Variants in DLGAP1 observed in about 807,000 individuals in gnomAD.
DLGAP1 encodes the protein disks large-associated protein 1.
Under a neutral mutation model 90.8 loss-of-function variants are expected in DLGAP1, and 11 were observed. That is an observed-to-expected ratio of 0.12 (90% confidence interval 0.08 to 0.20). DLGAP1 has a LOEUF of 0.20. Ranked by LOEUF, DLGAP1 falls within the 10% of genes least tolerant of loss-of-function variation. The pLI is 1.00. For missense variants in DLGAP1, 1,050 were observed against 1,333.8 expected, an observed-to-expected ratio of 0.79 and a Z score of 3.31; for synonymous variants, 558 against 540.7, an observed-to-expected ratio of 1.03 and a Z score of -0.44.
intron 2 of DLGAP1, among the ~76,000 whole-genome samples, chr18:4,048,828 A>G (rs1256914471): frequency 6.6e-6 from 1 of 152,260 alleles, no homozygotes; most frequent in East Asian, 1.9e-4. Flanking sequence ...ATTTCTCAGT[A>G]TAATACATTA....
chr18:3,802,567 A>G (rs1239517592), intron 5 of DLGAP1, among the ~76,000 whole-genome samples: 1 of 152,176 alleles, frequency 6.6e-6, no homozygotes, highest in Non-Finnish European at 1.5e-5. Context: ...TTTCTCTTTC[A>G]TGAAGTCATC....
chr18:3,516,416 C>T lies in DLGAP1; in HGVS notation c.2480-7755G>A, dbSNP rs1367930775. ...TACAAATAATCCTCCAGAAGGTTTT[C>T]AATGGACTTTGCCCAGGTCCATCAG... is the stretch of plus-strand genomic sequence containing the variant. On this transcript the variant is annotated intron_variant, in intron 10 of 12. Coordinates refer to ENST00000315677, the MANE Select transcript of DLGAP1 (RefSeq NM_004746.4). 2.6e-5 allele frequency among the ~76,000 whole-genome samples: 4 copies of T among 152,132 alleles called. No homozygotes were observed. In the East Asian group the frequency reaches 7.7e-4, roughly 29 times the overall value.
intron 1 of DLGAP1, among the ~76,000 whole-genome samples, chr18:4,203,919 G>C (rs779411070): frequency 1.3e-5 from 2 of 152,200 alleles, no homozygotes; most frequent in Non-Finnish European, 2.9e-5. Context: ...CAGAAGAGGA[G>C]GCACTGAATT....
chr18:3,593,689 C>T (rs2056409577), intron 7 of DLGAP1: 1 of 152,146 alleles, frequency 6.6e-6, no homozygotes, highest in Admixed American at 6.5e-5. Context: ...CCAGACACTT[C>T]CTAACGCCAG....
Position 3,534,478 on chromosome 18 carries a change from C to G in DLGAP1, c.2195G>C (p.Arg732Pro), listed in dbSNP as rs575369187. 4 of 1,614,160 alleles carry G rather than the reference C, an allele frequency of 2.5e-6. No individual in the cohort carries two copies. The highest frequency in any genetic ancestry group is 3.4e-6 in the Non-Finnish European group (4 of 1,180,026). ...CPGPMARQFS[R>P]DASTSTVSIQ... ...GCTGACTGTGGAGGTGCTGGCATCG[C>G]GGGAGAACTGTCTGGCCATGGGGCC... is the stretch of plus-strand genomic sequence containing the variant. The change falls in exon 10 of 13, where the codon CGC (arginine) becomes CCC (proline). Residue 732 changes from arginine to proline, a missense_variant. Arg to Pro is a moderately radical substitution (Grantham distance 103, BLOSUM62 -2). Transcript: ENST00000315677.
At chr18:4,447,379 T>C (rs2144880818) in intron 1 of DLGAP1, among the ~76,000 whole-genome samples, 1 of 152,322 alleles carries the variant, frequency 6.6e-6, no homozygotes, top group Middle Eastern at 3.4e-3. Flanking sequence ...TAAAGAAGAC[T>C]ACAAGAGCAT....
intron 5 of DLGAP1, among the ~76,000 whole-genome samples, chr18:3,772,352 CTTTCTTTCTTTCTTTCTTTCTT>C (rs2064673469): frequency 1.6e-3 from 18 of 11,258 alleles, no homozygotes; most frequent in African/African-American, 2.8e-3. Flanking sequence ...CTCTCTCTTT[CTTTCTTTCTTTCTTTCTTTCTT>C]TCTTTCTTTC....
chr18:3,995,517 G>A (rs1410890310), intron 3 of DLGAP1: 1 of 152,056 alleles, frequency 6.6e-6, no homozygotes, highest in African/African-American at 2.4e-5. Context: ...TGAACAAAGC[G>A]TCTCTTCCAA....
chr18:3,818,408 G>A (rs1915186658), intron 4 of DLGAP1, among the ~76,000 whole-genome samples: 1 of 141,520 alleles, frequency 7.1e-6, no homozygotes, highest in Admixed American at 7.5e-5. Context: ...TGCCTGAGCT[G>A]GAGTGCAGTG....
intron 3 of DLGAP1, among the ~76,000 whole-genome samples, chr18:3,901,876 C>T (rs1286753016): frequency 6.6e-6 from 1 of 152,138 alleles, no homozygotes; most frequent in Non-Finnish European, 1.5e-5. Context: ...AATAGGAATG[C>T]CTCAACCTCT....
intron 1 of DLGAP1, among the ~76,000 whole-genome samples, chr18:4,258,135 C>T (rs770285515): frequency 6.6e-6 from 1 of 152,122 alleles, no homozygotes; most frequent in Non-Finnish European, 1.5e-5. Context: ...CTCCTGGACT[C>T]AAGTGATCCT....
At chr18:3,709,953 A>G (rs2061549964) in intron 7 of DLGAP1, among the ~76,000 whole-genome samples, 2 of 152,184 alleles carry the variant, frequency 1.3e-5, no homozygotes, top group Admixed American at 1.3e-4. Context: ...TCCTTTATAC[A>G]TCAGTTCACA....
intron 3 of DLGAP1, among the ~76,000 whole-genome samples, chr18:3,882,193 A>G (rs944667059): frequency 6.6e-5 from 10 of 152,136 alleles, no homozygotes; most frequent in Non-Finnish European, 1.0e-4. Context: ...GACTAGGCTA[A>G]TTTGAGGATC....
intron 1 of DLGAP1, among the ~76,000 whole-genome samples, chr18:4,198,193 C>T (rs1472252036): frequency 6.6e-6 from 1 of 152,012 alleles, no homozygotes; most frequent in African/African-American, 2.4e-5. Flanking sequence ...TGCACTCCAG[C>T]CTGGGCGACA....
At chr18:4,123,824 T>C (rs1232319534) in intron 2 of DLGAP1, among the ~76,000 whole-genome samples, 1 of 152,164 alleles carries the variant, frequency 6.6e-6, no homozygotes, top group African/African-American at 2.4e-5. Context: ...TAACAATGTG[T>C]GGGTTGGTTT....
At chr18:3,773,307 A>G (rs2064780763) in intron 5 of DLGAP1, among the ~76,000 whole-genome samples, 1 of 152,208 alleles carries the variant, frequency 6.6e-6, no homozygotes, top group Non-Finnish European at 1.5e-5. Flanking sequence ...AACTAATATT[A>G]GCAGATAATT....
In DLGAP1 at chr18:4,201,180, A is replaced by G. The variant is rs539127157; in HGVS notation, c.-266-49893T>C. Among the ~76,000 whole-genome samples the G allele has an allele frequency of 2.0e-4, 31 of 151,968 alleles. 1 individual carries two copies. In the South Asian group the frequency reaches 5.4e-3, roughly 26 times the overall value. ...TCCCGTTTATTTATTCTTGCTTTTG[A>G]GGCATTTGCTTTTGGGATTTACTCA... On this transcript the variant is annotated intron_variant, in intron 1 of 12. Coordinates refer to ENST00000315677, the MANE Select transcript of DLGAP1 (RefSeq NM_004746.4).
chr18:4,278,009 C>T (rs1443160010), intron 1 of DLGAP1, among the ~76,000 whole-genome samples: 1 of 151,804 alleles, frequency 6.6e-6, no homozygotes, highest in African/African-American at 2.4e-5. Flanking sequence ...TTTCTTAGAC[C>T]ATTGGACGTG....
chr18:4,014,229 G>T (rs902363340), intron 2 of DLGAP1, among the ~76,000 whole-genome samples: 1 of 151,896 alleles, frequency 6.6e-6, no homozygotes, highest in African/African-American at 2.4e-5. Context: ...GGGACTACAG[G>T]TGCGCACCAC....
Sources: allele counts gnomAD v4.1 joint callset (sites outside exome capture counted in the v4.1 genomes callset), GRCh38; gene constraint gnomAD v4.1.1; transcripts MANE v1.5; gene names NCBI Gene and HGNC (gene_info 2026-07-23, HGNC 2026-07-21).